The following GRM8 variants were observed in gnomAD, a reference collection of about 807,000 sequenced individuals.
The protein encoded by GRM8 is metabotropic glutamate receptor 8.
Under a neutral mutation model 87.2 loss-of-function variants are expected in GRM8, and 47 were observed. The ratio of observed to expected loss-of-function variants is 0.54; its 90% CI spans 0.43 to 0.69. The LOEUF (loss-of-function observed/expected upper bound fraction) is 0.69, where lower values mean the gene tolerates loss of function less well. Ranked by LOEUF, GRM8 falls within the 30% of genes least tolerant of loss-of-function variation. The pLI is 0.00. For synonymous variants in GRM8, 396 were observed against 404.5 expected, an observed-to-expected ratio of 0.98 and a Z score of 0.25; for missense variants, 1,019 against 1,139.2, an observed-to-expected ratio of 0.89 and a Z score of 1.52.
At chr7:126,483,521 T>C (rs1393602164) in intron 9 of GRM8, among the ~76,000 whole-genome samples, 2 of 139,764 alleles carry the variant, frequency 1.4e-5, no homozygotes, top group South Asian at 2.4e-4. Flanking sequence ...GATTTTATGA[T>C]CTATTGAAGG....
At chr7:126,850,020 CT>C (rs1014654308) in intron 6 of GRM8, among the ~76,000 whole-genome samples, 2 of 152,150 alleles carry the variant, frequency 1.3e-5, no homozygotes, top group Non-Finnish European at 2.9e-5. Flanking sequence ...TGCTTTTTCT[CT>C]TCTTCCCTTT....
chr7:126,860,678 G>A (rs940038222), intron 6 of GRM8, among the ~76,000 whole-genome samples: 38 of 151,876 alleles, frequency 2.5e-4, no homozygotes, highest in African/African-American at 8.2e-4. Flanking sequence ...TTTAAACAGC[G>A]GCAGATTTAT....
At chr7:127,183,324 AG>A (rs756810612) in intron 2 of GRM8, among the ~76,000 whole-genome samples, 1 of 151,942 alleles carries the variant, frequency 6.6e-6, no homozygotes, top group Non-Finnish European at 1.5e-5. Flanking sequence ...CAAATTTAAA[AG>A]AATAGAAATC....
At chr7:127,197,341 A>G (rs10215483) in intron 2 of GRM8, among the ~76,000 whole-genome samples, 36,682 of 152,142 alleles carry the variant, frequency 0.24, 5,090 homozygotes, top group African/African-American at 0.39. Context: ...CAGATAGACA[A>G]TTGTCAAAGA....
chr7:126,611,294 C>T (rs1434470623), intron 7 of GRM8, among the ~76,000 whole-genome samples: 1 of 152,138 alleles, frequency 6.6e-6, no homozygotes, highest in African/African-American at 2.4e-5. Flanking sequence ...AGTTTCTTCA[C>T]CTGTAAAATG....
intron 7 of GRM8, among the ~76,000 whole-genome samples, chr7:126,756,125 C>A (rs1585800764): frequency 6.6e-6 from 1 of 151,552 alleles, no homozygotes; most frequent in Non-Finnish European, 1.5e-5. Context: ...TGAGTATGGG[C>A]AAAAGTTTCA....
At chr7:126,572,025 G>A (rs1204228140) in intron 8 of GRM8, among the ~76,000 whole-genome samples, 1 of 152,110 alleles carries the variant, frequency 6.6e-6, no homozygotes, top group African/African-American at 2.4e-5. Flanking sequence ...ACAGGCATAA[G>A]CCACCACACC....
intron 3 of GRM8, among the ~76,000 whole-genome samples, chr7:127,057,132 T>C (rs1363456046): frequency 6.6e-6 from 1 of 152,208 alleles, no homozygotes; most frequent in Non-Finnish European, 1.5e-5. Flanking sequence ...CAGCTTTATA[T>C]CCACGTTTAC....
intron 7 of GRM8, among the ~76,000 whole-genome samples, chr7:126,628,123 C>T (rs531995608): frequency 3.3e-5 from 5 of 152,270 alleles, no homozygotes; most frequent in South Asian, 2.1e-4. Context: ...CAGCTCACTG[C>T]GACCTCCACC....
chr7:126,463,033 TTTG>T (rs1804063633), intron 9 of GRM8, among the ~76,000 whole-genome samples: 1 of 151,538 alleles, frequency 6.6e-6, no homozygotes, highest in Non-Finnish European at 1.5e-5. Flanking sequence ...AGTGTGGTTA[TTTG>T]ACTGGTTTTC....
intron 6 of GRM8, among the ~76,000 whole-genome samples, chr7:126,790,651 G>A (rs533589830): frequency 1.3e-5 from 2 of 152,164 alleles, no homozygotes; most frequent in South Asian, 4.2e-4. Context: ...TCTTACGGTC[G>A]TGCCAAGGCA....
At chr7:126,473,402 A>G (rs1021766869) in intron 9 of GRM8, among the ~76,000 whole-genome samples, 2 of 152,180 alleles carry the variant, frequency 1.3e-5, no homozygotes, top group African/African-American at 4.8e-5. Context: ...TCAAACTTGC[A>G]TGGGGCCTCT....
intron 7 of GRM8, among the ~76,000 whole-genome samples, chr7:126,648,123 G>A (rs1271930564): frequency 6.6e-6 from 1 of 152,006 alleles, no homozygotes; most frequent in East Asian, 1.9e-4. Flanking sequence ...TGCACAAGCT[G>A]TTTACTCTGC....
intron 8 of GRM8, among the ~76,000 whole-genome samples, chr7:126,556,219 C>T (rs1264160529): frequency 6.6e-6 from 1 of 151,734 alleles, no homozygotes; most frequent in Non-Finnish European, 1.5e-5. Flanking sequence ...GTCAGTCAAG[C>T]CTTTAAAACT....
chr7:126,523,080 G>A (rs889642473), intron 9 of GRM8, among the ~76,000 whole-genome samples: 4 of 152,164 alleles, frequency 2.6e-5, no homozygotes, highest in African/African-American at 4.8e-5. Context: ...ACCTAAAGAA[G>A]AGGACGTTCA....
chr7:126,453,207 T>C (rs1802845948), intron 9 of GRM8, among the ~76,000 whole-genome samples: 1 of 151,674 alleles, frequency 6.6e-6, no homozygotes, highest in African/African-American at 2.4e-5. Context: ...CCAATTTAAC[T>C]CTGGGAAAAA....
intron 7 of GRM8, among the ~76,000 whole-genome samples, chr7:126,661,061 T>G (rs1445561616): frequency 6.6e-6 from 1 of 152,144 alleles, no homozygotes; most frequent in African/African-American, 2.4e-5. Context: ...GTTAAAAAAA[T>G]AGTTAGAAAG....
chr7:126,950,011 C>T (rs1292213039), intron 3 of GRM8, among the ~76,000 whole-genome samples: 1 of 152,144 alleles, frequency 6.6e-6, no homozygotes, highest in Non-Finnish European at 1.5e-5. Context: ...CTTTGCAGTA[C>T]CACTAAAATG....
chr7:126,547,971 G>C (rs1817341757), intron 8 of GRM8, among the ~76,000 whole-genome samples: 1 of 151,900 alleles, frequency 6.6e-6, no homozygotes, highest in Non-Finnish European at 1.5e-5. Context: ...TTGGCTACAG[G>C]AAATAGGAGA....
Sources: gnomAD v4.1 joint callset for allele counts (sites outside exome capture counted in the v4.1 genomes callset) on GRCh38, gnomAD v4.1.1 for gene constraint, MANE v1.5 for transcripts, NCBI Gene and HGNC (gene_info 2026-07-23, HGNC 2026-07-21) for gene names.